Variants in NKAIN3 observed in about 807,000 individuals in gnomAD.
NKAIN3 encodes the protein sodium/potassium transporting ATPase interacting 3.
NKAIN3 carries 25 observed loss-of-function variants against 30.2 expected under a neutral mutation model. That is an observed-to-expected ratio of 0.83 (90% CI 0.60 to 1.16). NKAIN3 has a LOEUF of 1.16. Ranked by LOEUF, NKAIN3 falls within the 50% of genes most tolerant of loss-of-function variation. The probability of loss-of-function intolerance (pLI) is 0.00; values close to 1 mark genes in which losing one functional copy is unlikely to be tolerated. For missense variants in NKAIN3, 225 were observed against 254.1 expected (o/e 0.89, Z 0.78); for synonymous variants, 91 against 89.6 (o/e 1.02, Z -0.09).
intron 4 of NKAIN3, chr8:62,857,272 C>T (rs185144519): frequency 5.2e-4 from 100 of 191,010 alleles, no homozygotes; most frequent in Admixed American, 8.2e-4. Flanking sequence ...ATTTGCTGCC[C>T]TTAACATTAT....
chr8:62,582,955 C>A (rs1218216766), intron 2 of NKAIN3, among the ~76,000 whole-genome samples: 1 of 152,156 alleles, frequency 6.6e-6, no homozygotes, highest in Admixed American at 6.5e-5. Context: ...CAGCCTCATG[C>A]TCTGGTAGCC....
intron 3 of NKAIN3, among the ~76,000 whole-genome samples, chr8:62,722,316 G>T (rs1199612971): frequency 6.6e-6 from 1 of 152,168 alleles, no homozygotes; most frequent in Admixed American, 6.5e-5. Context: ...ATTTTCTAAT[G>T]AATTAAGTAG....
intron 1 of NKAIN3, 21 bp downstream of exon 1, chr8:62,249,148 T>A (rs1281419540): frequency 6.5e-7 from 1 of 1,527,112 alleles, no homozygotes; most frequent in Non-Finnish European, 8.8e-7. Context: ...CGAGGGCCCC[T>A]GCCCCAGGAC....
chr8:62,898,867 T>A (rs1185509774), intron 4 of NKAIN3, among the ~76,000 whole-genome samples: 2 of 151,874 alleles, frequency 1.3e-5, no homozygotes, highest in African/African-American at 4.8e-5. Context: ...TATAAGGAGC[T>A]CAAGCAACTC....
chr8:62,417,164 A>C (rs545463832), intron 1 of NKAIN3, among the ~76,000 whole-genome samples: 1 of 151,796 alleles, frequency 6.6e-6, no homozygotes, highest in Admixed American at 6.6e-5. Context: ...TCTGCTCTCT[A>C]TCTCCATGAG....
chr8:62,783,998 T>A (rs1295290178), intron 4 of NKAIN3, among the ~76,000 whole-genome samples: 1 of 151,916 alleles, frequency 6.6e-6, no homozygotes, highest in Non-Finnish European at 1.5e-5. Flanking sequence ...ACAGACCAAA[T>A]GACAGGCTGT....
chr8:62,579,512 C>A, intron 1 of NKAIN3, 27 bp from the exon 2 acceptor site: 2 of 1,584,242 alleles, frequency 1.3e-6, no homozygotes, highest in Non-Finnish European at 1.7e-6. Context: ...GGATTCAATG[C>A]TAATGAACTT....
intron 4 of NKAIN3, among the ~76,000 whole-genome samples, chr8:62,838,019 C>A (rs17181223): frequency 0.082 from 12,463 of 151,670 alleles, 566 homozygotes; most frequent in South Asian, 0.14. Flanking sequence ...TCTTTTAATG[C>A]GTAAAAACTT....
At chr8:62,655,353 G>A (rs1651873215) in intron 3 of NKAIN3, among the ~76,000 whole-genome samples, 1 of 152,118 alleles carries the variant, frequency 6.6e-6, no homozygotes, top group African/African-American at 2.4e-5. Context: ...ATGGGAAAGT[G>A]ATATAATTCG....
chr8:62,834,830 T>C (rs1244682991), intron 4 of NKAIN3, among the ~76,000 whole-genome samples: 1 of 152,088 alleles, frequency 6.6e-6, no homozygotes, highest in Non-Finnish European at 1.5e-5. Context: ...CAGAAAAAAC[T>C]ACTCTAAAAT....
At chr8:62,575,964 A>C (rs1810096177) in intron 1 of NKAIN3, among the ~76,000 whole-genome samples, 1 of 152,132 alleles carries the variant, frequency 6.6e-6, no homozygotes, top group African/African-American at 2.4e-5. Context: ...CAAACATTAA[A>C]TCAAAATAGA....
At chr8:62,664,365 G>A (rs1396171978) in intron 3 of NKAIN3, among the ~76,000 whole-genome samples, 1 of 152,048 alleles carries the variant, frequency 6.6e-6, no homozygotes, top group Non-Finnish European at 1.5e-5. Flanking sequence ...AATTTCCTGT[G>A]ATTCCATTTT....
chr8:62,429,490 T>C (rs932040943), intron 1 of NKAIN3, among the ~76,000 whole-genome samples: 4 of 151,682 alleles, frequency 2.6e-5, no homozygotes, highest in African/African-American at 9.7e-5. Flanking sequence ...TTTTAATAGG[T>C]TATTGACTTC....
chr8:62,981,082 G>C lies in NKAIN3; in HGVS notation c.*15675G>C, dbSNP rs1824064287. The C allele has an allele frequency of 6.6e-6, 1 of 152,200 alleles. No individual in the cohort carries two copies. The highest frequency in any genetic ancestry group is 1.5e-5 in the Non-Finnish European group (1 of 68,032). 9.4% of individuals were successfully genotyped at this position (152,200 alleles called of 1,614,324 possible). The stretch of plus-strand genomic sequence containing the variant: ...TGTCAAAAAGGAAGTTTGGGCGGCA[G>C]TTTCAGGGTAGTGTTGAGAAGATAA... On this transcript the variant is annotated 3_prime_UTR_variant, in exon 7 of 7. Coordinates refer to ENST00000623646, the MANE Select transcript of NKAIN3 (RefSeq NM_001304533.3).
At chr8:62,468,121 C>T (rs1806218955) in intron 1 of NKAIN3, among the ~76,000 whole-genome samples, 2 of 152,186 alleles carry the variant, frequency 1.3e-5, no homozygotes, top group African/African-American at 4.8e-5. Flanking sequence ...TGACCAGAAT[C>T]CTGATTCTAA....
At chr8:62,270,448 A>C (rs966967307) in intron 1 of NKAIN3, among the ~76,000 whole-genome samples, 4 of 152,062 alleles carry the variant, frequency 2.6e-5, no homozygotes, top group Non-Finnish European at 1.5e-5. Flanking sequence ...TTAAACTATA[A>C]ATTTAAAAAT....
At chr8:62,286,325 G>A (rs748579453) in intron 1 of NKAIN3, among the ~76,000 whole-genome samples, 10 of 152,096 alleles carry the variant, frequency 6.6e-5, no homozygotes, top group South Asian at 2.1e-4. Flanking sequence ...ACATAAAGAC[G>A]TGGTGAAATA....
chr8:62,570,548 GA>G (rs1367415967), intron 1 of NKAIN3, among the ~76,000 whole-genome samples: 1 of 152,044 alleles, frequency 6.6e-6, no homozygotes, highest in Non-Finnish European at 1.5e-5. Flanking sequence ...CTTGGGGAGG[GA>G]AACTCCCATT....
chr8:62,272,308 G>A (rs972700600), intron 1 of NKAIN3, among the ~76,000 whole-genome samples: 3 of 152,112 alleles, frequency 2.0e-5, no homozygotes, highest in Admixed American at 6.6e-5. Flanking sequence ...ATAGTGTTGG[G>A]AGTATGGGGG....
Sources: allele counts gnomAD v4.1 joint callset (sites outside exome capture counted in the v4.1 genomes callset), GRCh38; gene constraint gnomAD v4.1.1; transcripts MANE v1.5; gene names NCBI Gene and HGNC (gene_info 2026-07-23, HGNC 2026-07-21).